Variants in FNIP1 observed in about 807,000 individuals in gnomAD.
FNIP1 encodes the protein folliculin-interacting protein 1.
FNIP1 carries 40 observed loss-of-function variants against 124.5 expected under a neutral mutation model. The observed-to-expected ratio is 0.32, with a 90% CI of 0.25 to 0.42. The LOEUF (loss-of-function observed/expected upper bound fraction) is 0.42. Ranked by LOEUF, FNIP1 falls within the 10% of genes least tolerant of loss-of-function variation. The pLI is 1.00. For missense variants in FNIP1, 1,176 were observed against 1,403.7 expected, an observed-to-expected ratio of 0.84 and a Z score of 2.59; for synonymous variants, 472 against 470.6, an observed-to-expected ratio of 1.00 and a Z score of -0.04.
At chr5:131,719,204 T>G (rs1769572821) in intron 4 of FNIP1, 113 bp downstream of exon 4, 1 of 1,160,914 alleles carries the variant, frequency 8.6e-7, no homozygotes, top group African/African-American at 1.6e-5. Flanking sequence ...ATAGAACATG[T>G]TAAATGGAGT....
intron 3 of FNIP1, 106 bp downstream of exon 3, chr5:131,730,798 T>C (rs1489932200): frequency 2.4e-6 from 2 of 838,052 alleles, no homozygotes; most frequent in African/African-American, 1.7e-5. Flanking sequence ...CAATGCAAGC[T>C]CTAGGAAGAT....
intron 1 of FNIP1, among the ~76,000 whole-genome samples, chr5:131,783,995 A>C (rs1772080652): frequency 1.4e-5 from 2 of 140,750 alleles, no homozygotes; most frequent in Admixed American, 1.5e-4. Flanking sequence ...GTCAATGGGT[A>C]ATCTGCCCCC....
intron 16 of FNIP1, among the ~76,000 whole-genome samples, chr5:131,650,162 A>G (rs983664947): frequency 6.6e-6 from 1 of 152,274 alleles, no homozygotes; most frequent in East Asian, 1.9e-4. Context: ...AAAAATATCA[A>G]TTGGATTTTG....
chr5:131,749,628 G>A (rs1770801281), intron 1 of FNIP1, among the ~76,000 whole-genome samples: 1 of 152,112 alleles, frequency 6.6e-6, no homozygotes, highest in Non-Finnish European at 1.5e-5. Flanking sequence ...CTGACCTCAG[G>A]TGATCCGCCT....
At chr5:131,657,163 C>G (rs1767220627) in intron 15 of FNIP1, among the ~76,000 whole-genome samples, 1 of 152,042 alleles carries the variant, frequency 6.6e-6, no homozygotes, top group Admixed American at 6.5e-5. Context: ...GCCACCATGC[C>G]TGGCTCATTT....
chr5:131,739,829 A>C (rs999034871), intron 2 of FNIP1, among the ~76,000 whole-genome samples: 2 of 151,414 alleles, frequency 1.3e-5, no homozygotes, highest in African/African-American at 2.4e-5. Context: ...AAAAAAAAAA[A>C]AAAAAAAACA....
intron 1 of FNIP1, among the ~76,000 whole-genome samples, chr5:131,747,532 C>T (rs1290298535): frequency 3.3e-5 from 5 of 151,834 alleles, no homozygotes; most frequent in Admixed American, 1.3e-4. Flanking sequence ...AGGAACAGAC[C>T]GACAAAGGAT....
intron 11 of FNIP1, among the ~76,000 whole-genome samples, chr5:131,691,156 A>G (rs1230114492): frequency 6.6e-6 from 1 of 152,234 alleles, no homozygotes; most frequent in African/African-American, 2.4e-5. Flanking sequence ...CATACAATGT[A>G]TGTTCTCAAA....
intron 6 of FNIP1, among the ~76,000 whole-genome samples, chr5:131,714,069 A>C (rs1769387775): frequency 6.6e-6 from 1 of 152,234 alleles, no homozygotes; most frequent in South Asian, 2.1e-4. Flanking sequence ...ACACCTGCTG[A>C]AATCTATTGC....
chr5:131,700,594 T>G (rs1199377118), intron 10 of FNIP1, among the ~76,000 whole-genome samples: 1 of 152,196 alleles, frequency 6.6e-6, no homozygotes, highest in Non-Finnish European at 1.5e-5. Flanking sequence ...TATAAAGAAG[T>G]GAATATTATT....
chr5:131,767,296 G>A (rs1771460699), intron 1 of FNIP1, among the ~76,000 whole-genome samples: 1 of 151,722 alleles, frequency 6.6e-6, no homozygotes, highest in South Asian at 2.1e-4. Context: ...GCTGGGCATG[G>A]TGTGCACCTG....
intron 1 of FNIP1, among the ~76,000 whole-genome samples, chr5:131,790,683 G>A (rs1772380238): frequency 6.6e-6 from 1 of 152,082 alleles, no homozygotes; most frequent in African/African-American, 2.4e-5. Flanking sequence ...TGTCACAGAA[G>A]GACATGCAAT....
At chr5:131,700,233 C>T (rs1188475991) in intron 10 of FNIP1, among the ~76,000 whole-genome samples, 1 of 151,988 alleles carries the variant, frequency 6.6e-6, no homozygotes, top group Non-Finnish European at 1.5e-5. Flanking sequence ...CCGCCTGCCT[C>T]GGCCTCCCAA....
At chr5:131,717,231 T>C (rs1164095546) in intron 5 of FNIP1, among the ~76,000 whole-genome samples, 2 of 149,680 alleles carry the variant, frequency 1.3e-5, no homozygotes, top group Admixed American at 6.7e-5. Flanking sequence ...AGTGAGAACA[T>C]GTGGTGTTTG....
At chr5:131,654,121 T>C (rs1392612447) in intron 15 of FNIP1, among the ~76,000 whole-genome samples, 2 of 152,246 alleles carry the variant, frequency 1.3e-5, no homozygotes, top group African/African-American at 4.8e-5. Flanking sequence ...TTTTGACTCA[T>C]ATATACATAG....
At chr5:131,649,659 A>G (rs1383891402) in intron 16 of FNIP1, among the ~76,000 whole-genome samples, 1 of 152,122 alleles carries the variant, frequency 6.6e-6, no homozygotes, top group South Asian at 2.1e-4. Context: ...ATGAAATCCA[A>G]TTTATCTATT....
At chr5:131,723,225 G>A (rs1218196078) in intron 3 of FNIP1, among the ~76,000 whole-genome samples, 1 of 152,102 alleles carries the variant, frequency 6.6e-6, no homozygotes, top group African/African-American at 2.4e-5. Context: ...GCTAATGATA[G>A]ACATGGCAGC....
chr5:131,792,864 T>A (rs992632540), intron 1 of FNIP1, among the ~76,000 whole-genome samples: 1 of 146,878 alleles, frequency 6.8e-6, no homozygotes, highest in Non-Finnish European at 1.5e-5. Flanking sequence ...ATCCAAAAAA[T>A]TCCACAATCC....
chr5:131,688,338 C>A (rs1389511971), intron 11 of FNIP1, among the ~76,000 whole-genome samples: 3 of 149,618 alleles, frequency 2.0e-5, no homozygotes, highest in Admixed American at 1.3e-4. Flanking sequence ...CTGGCACCTA[C>A]AACTAACATT....
Sources: allele counts gnomAD v4.1 joint callset (sites outside exome capture counted in the v4.1 genomes callset), GRCh38; gene constraint gnomAD v4.1.1; transcripts MANE v1.5; gene names NCBI Gene and HGNC (gene_info 2026-07-23, HGNC 2026-07-21).